PTPRJ: variants seen among roughly 807,000 people sequenced by gnomAD.
PTPRJ encodes the protein receptor-type tyrosine-protein phosphatase eta.
Under a neutral mutation model 141.3 loss-of-function variants are expected in PTPRJ, and 129 were observed. The observed-to-expected ratio is 0.91, with a 90% CI of 0.79 to 1.06. The LOEUF (loss-of-function observed/expected upper bound fraction) is 1.06. PTPRJ is among the 50% of genes least tolerant of loss of function. PTPRJ has a pLI of 0.00. For missense variants in PTPRJ, 1,601 were observed against 1,679.7 expected, an observed-to-expected ratio of 0.95 and a Z score of 0.82; for synonymous variants, 610 against 640.5, an observed-to-expected ratio of 0.95 and a Z score of 0.72.
At chr11:48,152,863 T>G (rs1271458312) in intron 18 of PTPRJ, among the ~76,000 whole-genome samples, 1 of 152,228 alleles carries the variant, frequency 6.6e-6, no homozygotes, top group African/African-American at 2.4e-5. Flanking sequence ...GCTAGCATGA[T>G]GCTTCCAGCT....
intron 18 of PTPRJ, among the ~76,000 whole-genome samples, chr11:48,151,781 C>T (rs1857491732): frequency 6.6e-6 from 1 of 152,064 alleles, no homozygotes; most frequent in African/African-American, 2.4e-5. Context: ...CTGAACTCAT[C>T]CTTTTATGGC....
At chr11:48,101,607 G>A (rs561944267) in intron 1 of PTPRJ, among the ~76,000 whole-genome samples, 15 of 152,372 alleles carry the variant, frequency 9.8e-5, no homozygotes, top group African/African-American at 3.6e-4. Context: ...TGGGAGGGAT[G>A]TGGAGCCTGG....
rs192686221 is a variant in PTPRJ at position 48,050,468 on chromosome 11, G to T, written c.97-59590G>T. Among the ~76,000 whole-genome samples the T allele has an allele frequency of 2.2e-3, 340 of 152,246 alleles. 1 individual carries two copies. Among genetic ancestry groups the T allele is most frequent in the African/African-American group, 7.8e-3 (324 of 41,552 alleles). On this transcript the variant is annotated intron_variant, in intron 1 of 24. Transcript: ENST00000418331. Reference sequence around the variant, plus strand: ...ATGCATAGCATTCTACATTCTGTGGGTTTGGACAAGGTATGATGACATGTA... The same window carrying T: ...ATGCATAGCATTCTACATTCTGTGGTTTTGGACAAGGTATGATGACATGTA...
intron 11 of PTPRJ, 113 bp from the exon 12 acceptor site, chr11:48,142,806 C>A: frequency 1.5e-6 from 2 of 1,307,154 alleles, no homozygotes; most frequent in Non-Finnish European, 2.1e-6. Flanking sequence ...ACGAGCCCAG[C>A]ATGTAGCTTC....
chr11:48,112,886 G>A lies in PTPRJ; in HGVS notation c.255G>A (p.Glu85=), dbSNP rs1565309107. ...CTCAGGTGGAAACAAACACCAGTGA[G>A]GATGGTGAAAGCTCTGGAGCCAACG... ...GTPQVETNTS[E]DGESSGANDS... The change falls in exon 3 of 25, where the codon GAG becomes GAA. Residue 85 remains glutamate, a synonymous_variant. Transcript: ENST00000418331. The A allele has an allele frequency of 5.0e-6, 8 of 1,614,164 alleles. No individual in the cohort carries two copies. The highest frequency in any genetic ancestry group is 4.5e-5 in the East Asian group (2 of 44,872).
intron 1 of PTPRJ, among the ~76,000 whole-genome samples, chr11:48,084,576 A>T (rs1465836173): frequency 6.6e-6 from 1 of 152,182 alleles, no homozygotes; most frequent in Non-Finnish European, 1.5e-5. Flanking sequence ...TGGCTGACAC[A>T]GCTGAGTTCT....
chr11:48,167,412 C>T lies in PTPRJ; in HGVS notation c.*50C>T, dbSNP rs779480909. On this transcript the variant is annotated 3_prime_UTR_variant, in exon 25 of 25. Coordinates refer to ENST00000418331, the MANE Select transcript of PTPRJ (RefSeq NM_002843.4). Reference sequence around the variant, plus strand: ...GTGAACCAGACCGTCGCACCCACAGCGAAGGCACATGCCCCGATGTCGACA... The same window carrying T: ...GTGAACCAGACCGTCGCACCCACAGTGAAGGCACATGCCCCGATGTCGACA... 26 of 1,564,290 alleles carry T rather than the reference C, an allele frequency of 1.7e-5. No homozygotes were observed. Among genetic ancestry groups the T allele is most frequent in the African/African-American group, 1.1e-4 (8 of 73,212 alleles).
At chr11:48,059,208 T>C (rs56817081) in intron 1 of PTPRJ, among the ~76,000 whole-genome samples, 10,510 of 147,506 alleles carry the variant, frequency 0.071, 550 homozygotes, top group African/African-American at 0.15. Flanking sequence ...CTGCAACCTC[T>C]GCCTCCCGGG....
At chr11:47,989,038 C>A (rs1854124048) in intron 1 of PTPRJ, among the ~76,000 whole-genome samples, 1 of 151,228 alleles carries the variant, frequency 6.6e-6, no homozygotes, top group East Asian at 1.9e-4. Flanking sequence ...CGCCCGCCAC[C>A]AAGCCCAGCT....
At chr11:48,009,249 T>TTATATA (rs1157714627) in intron 1 of PTPRJ, among the ~76,000 whole-genome samples, 1 of 152,210 alleles carries the variant, frequency 6.6e-6, no homozygotes, top group Non-Finnish European at 1.5e-5. Context: ...GGCAGGATGT[T>TTATATA]TATGCTATAA....
rs35643138 is a variant in PTPRJ at position 48,106,763 on chromosome 11, C to CTT, written c.97-3273_97-3272dup. Among the ~76,000 whole-genome samples the CTT allele has an allele frequency of 3.9e-3, 341 of 86,410 alleles. 10 individuals carry two copies. The highest frequency in any genetic ancestry group is 0.013 in the African/African-American group (300 of 22,936). The allele number at this position is 86,410 out of a possible 152,430, so 56.7% of individuals were successfully genotyped here. ...CTTCTTTTCTTTTCTTTCTTTCTTT[C>CTT]TTTTTTTTTTTTTTTTTTTTTTTAA... is the stretch of plus-strand genomic sequence containing the variant. On this transcript the variant is annotated intron_variant, in intron 1 of 24. Coordinates refer to ENST00000418331, the MANE Select transcript of PTPRJ (RefSeq NM_002843.4).
chr11:48,095,001 C>A (rs1460556334), intron 1 of PTPRJ, among the ~76,000 whole-genome samples: 1 of 152,056 alleles, frequency 6.6e-6, no homozygotes, highest in Non-Finnish European at 1.5e-5. Flanking sequence ...GGCTGAGGCT[C>A]CTTGAGAAGC....
chr11:48,081,119 C>T (rs1357414515), intron 1 of PTPRJ, among the ~76,000 whole-genome samples: 4 of 152,236 alleles, frequency 2.6e-5, no homozygotes, highest in Non-Finnish European at 2.9e-5. Context: ...GTTTCTGATG[C>T]GGGTGGTCTG....
At chr11:48,143,787 TC>T (rs1857287466) in intron 12 of PTPRJ, among the ~76,000 whole-genome samples, 1 of 24,592 alleles carries the variant, frequency 4.1e-5, no homozygotes, top group East Asian at 1.6e-3. Flanking sequence ...CCCCCTCCCC[TC>T]CTCCCCCTCC....
At chr11:48,142,700 G>T (rs901424660) in intron 11 of PTPRJ, among the ~76,000 whole-genome samples, 1 of 152,164 alleles carries the variant, frequency 6.6e-6, no homozygotes, top group Non-Finnish European at 1.5e-5. Context: ...TGCCCTGAAG[G>T]GGTCATTGTG....
intron 4 of PTPRJ, 51 bp from the exon 5 acceptor site, chr11:48,123,561 AG>A: frequency 6.5e-7 from 1 of 1,548,864 alleles, no homozygotes; most frequent in Non-Finnish European, 8.8e-7. Context: ...TTCTTAATGA[AG>A]GTGACTGCAT....
At chr11:48,149,422 A>G (rs1306192503) in intron 15 of PTPRJ, 25 bp from the exon 16 acceptor site, 6 of 1,468,586 alleles carry the variant, frequency 4.1e-6, no homozygotes, top group South Asian at 1.2e-5. Context: ...TTTTTGTCTA[A>G]TGGGTCTCTT....
intron 19 of PTPRJ, among the ~76,000 whole-genome samples, chr11:48,154,946 G>T (rs1268344979): frequency 6.6e-6 from 1 of 152,154 alleles, no homozygotes; most frequent in Admixed American, 6.5e-5. Context: ...TTTAGGCTGA[G>T]ACTCAGGTCA....
At chr11:48,149,956 T>C (rs1857439947) in intron 16 of PTPRJ, 34 bp from the exon 17 acceptor site, 3 of 1,413,668 alleles carry the variant, frequency 2.1e-6, no homozygotes, top group East Asian at 2.3e-5. Flanking sequence ...GTCTTTCTAA[T>C]TGCATATTTT....
Sources: allele counts gnomAD v4.1 joint callset (sites outside exome capture counted in the v4.1 genomes callset), GRCh38; gene constraint gnomAD v4.1.1; transcripts MANE v1.5; gene names NCBI Gene and HGNC (gene_info 2026-07-23, HGNC 2026-07-21).